The following SEMA6D variants were observed in gnomAD, a reference collection of about 807,000 sequenced individuals.
SEMA6D encodes the protein semaphorin-6D.
Under a neutral mutation model 106.6 loss-of-function variants are expected in SEMA6D, and 35 were observed. The ratio of observed to expected loss-of-function variants is 0.33; its 90% CI spans 0.25 to 0.44. The LOEUF (loss-of-function observed/expected upper bound fraction) is 0.44, where lower values mean the gene tolerates loss of function less well. SEMA6D is among the 20% of genes least tolerant of loss of function. The pLI, the probability that SEMA6D is intolerant of heterozygous loss-of-function variation, is 1.00. For synonymous variants in SEMA6D, 499 were observed against 487.7 expected, an observed-to-expected ratio of 1.02 and a Z score of -0.31; for missense variants, 1,185 against 1,345.9, an observed-to-expected ratio of 0.88 and a Z score of 1.87.
chr15:47,376,417 A>G (rs2039449732), intron 1 of SEMA6D, among the ~76,000 whole-genome samples: 1 of 152,194 alleles, frequency 6.6e-6, no homozygotes, highest in African/African-American at 2.4e-5. Flanking sequence ...ACCAGATACC[A>G]AACTGGTTTC....
intron 18 of SEMA6D, among the ~76,000 whole-genome samples, chr15:47,769,512 T>C (rs773947564): frequency 6.6e-6 from 1 of 152,184 alleles, no homozygotes; most frequent in Non-Finnish European, 1.5e-5. Context: ...TACTTTTCTT[T>C]CTCGGTCTTT....
At chr15:47,340,258 G>A (rs499580) in intron 1 of SEMA6D, among the ~76,000 whole-genome samples, 80,953 of 151,818 alleles carry the variant, frequency 0.53, 24,695 homozygotes, top group African/African-American at 0.85. Context: ...TCTGGAAATT[G>A]AGGAGAATGG....
chr15:47,436,217 C>A (rs895288466), intron 2 of SEMA6D, among the ~76,000 whole-genome samples: 1 of 151,944 alleles, frequency 6.6e-6, no homozygotes. Flanking sequence ...TGGTGAAACT[C>A]CGTCTCTACT....
At chr15:47,233,691 C>T (rs990480702) in intron 1 of SEMA6D, among the ~76,000 whole-genome samples, 4 of 151,786 alleles carry the variant, frequency 2.6e-5, no homozygotes, top group Non-Finnish European at 5.9e-5. Context: ...TAAATGGGAT[C>T]GTTTTCTTAA....
At chr15:47,452,119 C>A (rs1203986534) in intron 2 of SEMA6D, among the ~76,000 whole-genome samples, 1 of 151,858 alleles carries the variant, frequency 6.6e-6, no homozygotes, top group African/African-American at 2.4e-5. Context: ...AAGCCTAGAC[C>A]AGAACTTAAT....
intron 3 of SEMA6D, among the ~76,000 whole-genome samples, chr15:47,535,315 C>A (rs2045124454): frequency 6.6e-6 from 1 of 152,014 alleles, no homozygotes; most frequent in African/African-American, 2.4e-5. Flanking sequence ...TCACCTATCC[C>A]ACAGATAAGA....
chr15:47,387,645 G>T (rs1357031263), intron 1 of SEMA6D, among the ~76,000 whole-genome samples: 3 of 152,192 alleles, frequency 2.0e-5, no homozygotes, highest in Non-Finnish European at 4.4e-5. Flanking sequence ...CATCAGGACA[G>T]GCAAAGGTAA....
At chr15:47,609,725 G>T (rs868745326) in intron 4 of SEMA6D, among the ~76,000 whole-genome samples, 1 of 152,166 alleles carries the variant, frequency 6.6e-6, no homozygotes. Context: ...ACTTGCTCAT[G>T]CAGGAAGTCC....
At chr15:47,554,279 T>C (rs2045853462) in intron 3 of SEMA6D, among the ~76,000 whole-genome samples, 1 of 152,194 alleles carries the variant, frequency 6.6e-6, no homozygotes, top group Non-Finnish European at 1.5e-5. Context: ...AGCCATTATG[T>C]TCTCCAGCTG....
intron 1 of SEMA6D, among the ~76,000 whole-genome samples, chr15:47,736,603 A>C (rs2080460740): frequency 6.6e-6 from 1 of 152,210 alleles, no homozygotes; most frequent in Admixed American, 6.5e-5. Flanking sequence ...AGCAAAAAGC[A>C]AGAAGGCTGG....
chr15:47,630,974 T>C (rs1053401213), intron 4 of SEMA6D, among the ~76,000 whole-genome samples: 1 of 151,898 alleles, frequency 6.6e-6, no homozygotes, highest in South Asian at 2.1e-4. Flanking sequence ...ATAATTCTTT[T>C]TATACATTGC....
At chr15:47,418,740 A>G (rs2041059302) in intron 2 of SEMA6D, among the ~76,000 whole-genome samples, 1 of 152,040 alleles carries the variant, frequency 6.6e-6, no homozygotes, top group African/African-American at 2.4e-5. Flanking sequence ...AGACTGCTTC[A>G]ATTACTTCAG....
In SEMA6D at chr15:47,233,689, A is replaced by T. The variant is rs190289084; in HGVS notation, c.-239+49271A>T. ...TCTTTTTGATACTATTGTAAATGGG[A>T]TCGTTTTCTTAATTTTCTTTTCACA... On this transcript the variant is annotated intron_variant, in intron 1 of 19. Transcript: ENST00000558014. Among the ~76,000 whole-genome samples the T allele has an allele frequency of 2.0e-3, 302 of 151,942 alleles. 2 individuals are homozygous for T. The highest frequency in any genetic ancestry group is 6.9e-3 in the African/African-American group (286 of 41,478).
intron 9 of SEMA6D, 81 bp from the exon 10 acceptor site, chr15:47,763,769 C>T: frequency 8.3e-7 from 1 of 1,207,878 alleles, no homozygotes. Context: ...TATTTTTTGT[C>T]CCTCCCTTAA....
At chr15:47,603,790 C>T (rs1435758) in intron 4 of SEMA6D, 63,842 of 151,714 alleles carry the variant, frequency 0.42, 14,942 homozygotes, top group South Asian at 0.53. Flanking sequence ...CTTCTAAAAA[C>T]GCCCTCTTTT....
chr15:47,697,571 A>C (rs1003485109), intron 4 of SEMA6D, among the ~76,000 whole-genome samples: 1 of 152,160 alleles, frequency 6.6e-6, no homozygotes, highest in African/African-American at 2.4e-5. Context: ...AATTATTTTT[A>C]GGTAATAATT....
intron 3 of SEMA6D, among the ~76,000 whole-genome samples, chr15:47,570,089 A>T (rs2046341405): frequency 6.6e-6 from 1 of 151,920 alleles, no homozygotes; most frequent in African/African-American, 2.4e-5. Flanking sequence ...GAAATTTCTG[A>T]CCTAGAGCTG....
chr15:47,360,221 A>G (rs144082824), intron 1 of SEMA6D: 1 of 152,312 alleles, frequency 6.6e-6, no homozygotes, highest in African/African-American at 2.4e-5. Flanking sequence ...TGAGGCTATT[A>G]TTCCAGATTG....
chr15:47,659,672 C>T (rs1160053969), intron 4 of SEMA6D, among the ~76,000 whole-genome samples: 8 of 151,822 alleles, frequency 5.3e-5, no homozygotes, highest in Non-Finnish European at 1.0e-4. Flanking sequence ...TATTTGCAGC[C>T]CATGACAAAG....
Sources: gnomAD v4.1 joint callset for allele counts (sites outside exome capture counted in the v4.1 genomes callset) on GRCh38, gnomAD v4.1.1 for gene constraint, MANE v1.5 for transcripts, NCBI Gene and HGNC (gene_info 2026-07-23, HGNC 2026-07-21) for gene names.